Variants in PIEZO2 observed in about 807,000 individuals in gnomAD.
The protein encoded by PIEZO2 is piezo-type mechanosensitive ion channel component 2.
A neutral mutation model predicts 337.3 loss-of-function variants in PIEZO2; 172 were observed. That is an observed-to-expected ratio of 0.51 (90% CI 0.45 to 0.58). PIEZO2 has a LOEUF of 0.58. Ranked by LOEUF, PIEZO2 falls within the 20% of genes least tolerant of loss-of-function variation. The probability of loss-of-function intolerance (pLI) is 0.00; values close to 1 mark genes in which losing one functional copy is unlikely to be tolerated. For missense variants in PIEZO2, 3,028 were observed against 3,391.3 expected (o/e 0.89, Z 2.66); for synonymous variants, 1,251 against 1,228.5 (o/e 1.02, Z -0.38).
At chr18:11,050,931 C>A (rs1380444849) in intron 2 of PIEZO2, among the ~76,000 whole-genome samples, 1 of 151,106 alleles carries the variant, frequency 6.6e-6, no homozygotes. Flanking sequence ...ATTTCAGAAA[C>A]CTACCCCTTT....
At chr18:10,871,644 T>A (rs1032478156) in intron 4 of PIEZO2, among the ~76,000 whole-genome samples, 1 of 152,200 alleles carries the variant, frequency 6.6e-6, no homozygotes, top group African/African-American at 2.4e-5. Flanking sequence ...TAAAGAACTT[T>A]TGAACCAATC....
At chr18:10,852,846 C>A (rs1006457020) in intron 7 of PIEZO2, among the ~76,000 whole-genome samples, 13 of 152,020 alleles carry the variant, frequency 8.6e-5, no homozygotes, top group African/African-American at 2.7e-4. Context: ...GAGAGGGCAC[C>A]CCCCACCCAC....
intron 18 of PIEZO2, among the ~76,000 whole-genome samples, chr18:10,779,317 T>G (rs913293767): frequency 6.6e-6 from 1 of 152,248 alleles, no homozygotes; most frequent in African/African-American, 2.4e-5. Context: ...GCAAGATATA[T>G]TTCTCTTACT....
rs2145620164 is a variant in PIEZO2 at position 11,003,758 on chromosome 18, C to T, written c.161-24098G>A. On this transcript the variant is annotated intron_variant, in intron 2 of 55. Transcript: ENST00000674853. This position sits in a 1 kb window ranked among gnomAD's most constrained non-coding sequence, Gnocchi z 4.6. ...CCAGCTCTGGGACGTGGGAGGAAAC[C>T]AGAGTACCTAGAAAAATCCCACACA... Among the ~76,000 whole-genome samples the T allele has an allele frequency of 6.6e-6, 1 of 152,262 alleles. No homozygotes were observed. Among genetic ancestry groups the T allele is most frequent in the South Asian group, 2.1e-4 (1 of 4,822 alleles).
At chr18:10,851,157 T>G (rs1226024897) in intron 7 of PIEZO2, among the ~76,000 whole-genome samples, 2 of 59,288 alleles carry the variant, frequency 3.4e-5, no homozygotes, top group Non-Finnish European at 5.8e-5. Context: ...TCTTTTATCT[T>G]TTTTTTTTTT....
chr18:10,996,402 A>T (rs1325262544), intron 2 of PIEZO2, among the ~76,000 whole-genome samples: 1 of 152,248 alleles, frequency 6.6e-6, no homozygotes, highest in Non-Finnish European at 1.5e-5. Context: ...GAATAATTCA[A>T]TGGCATTTAG....
At chr18:10,747,286 A>G (rs2037462405) in intron 30 of PIEZO2, among the ~76,000 whole-genome samples, 1 of 152,214 alleles carries the variant, frequency 6.6e-6, no homozygotes, top group African/African-American at 2.4e-5. Context: ...TGAACCACAA[A>G]GGAAAAAGGG....
In PIEZO2 at chr18:11,047,440, C is replaced by T. The variant is rs2037356329; in HGVS notation, c.160+18687G>A. On this transcript the variant is annotated intron_variant, in intron 2 of 55. Coordinates refer to ENST00000674853, the MANE Select transcript of PIEZO2 (RefSeq NM_001378183.1). The surrounding 1 kb of genome is among the most constrained non-coding windows in gnomAD (Gnocchi z 7.2). Reference sequence around the variant, plus strand: ...ACGGCCCGGGGGAATTGTCCAAGAACAGGGCAAGGGGCAAGGGGACAGGGA... The same window carrying T: ...ACGGCCCGGGGGAATTGTCCAAGAATAGGGCAAGGGGCAAGGGGACAGGGA... Among the ~76,000 whole-genome samples the T allele has an allele frequency of 6.6e-6, 1 of 152,176 alleles. No individual in the cohort carries two copies.
chr18:10,994,419 A>G (rs1035836880), intron 2 of PIEZO2, among the ~76,000 whole-genome samples: 11 of 123,046 alleles, frequency 8.9e-5, no homozygotes, highest in African/African-American at 3.3e-4. Flanking sequence ...TTTTTTTTTG[A>G]TACTGAGTCT....
chr18:10,971,198 C>G (rs264243), intron 3 of PIEZO2, among the ~76,000 whole-genome samples: 75,343 of 151,908 alleles, frequency 0.5, 18,856 homozygotes, highest in Middle Eastern at 0.54. Flanking sequence ...AAGCCATCTT[C>G]AAAATTTTGA....
intron 39 of PIEZO2, among the ~76,000 whole-genome samples, chr18:10,712,672 T>C (rs1746408240): frequency 6.6e-6 from 1 of 152,240 alleles, no homozygotes; most frequent in Non-Finnish European, 1.5e-5. Context: ...GGATATGATA[T>C]TAAATGTTCT....
At chr18:10,711,519 A>G (rs769777713) in intron 39 of PIEZO2, among the ~76,000 whole-genome samples, 2 of 152,216 alleles carry the variant, frequency 1.3e-5, no homozygotes, top group African/African-American at 4.8e-5. Flanking sequence ...TCATTAAAAA[A>G]TGTCACCAAT....
At chr18:10,778,627 C>T (rs1175521063) in intron 18 of PIEZO2, among the ~76,000 whole-genome samples, 13 of 151,846 alleles carry the variant, frequency 8.6e-5, no homozygotes, top group Non-Finnish European at 1.6e-4. Flanking sequence ...CCACCACACC[C>T]GGCCTCTGGC....
intron 3 of PIEZO2, among the ~76,000 whole-genome samples, chr18:10,920,314 G>A (rs1330658108): frequency 1.3e-5 from 2 of 152,106 alleles, no homozygotes; most frequent in African/African-American, 4.8e-5. Flanking sequence ...AAAGAAAGAA[G>A]CCAACCCCCA....
At chr18:10,886,376 GTGTGTATATATA>G (rs1421500870) in intron 4 of PIEZO2, among the ~76,000 whole-genome samples, 6,277 of 13,786 alleles carry the variant, frequency 0.46, 1,788 homozygotes, top group East Asian at 0.66. Context: ...ATATGTGTGT[GTGTGTATATATA>G]TATATATATA....
chr18:11,147,994 C>G (rs983029872), intron 1 of PIEZO2, among the ~76,000 whole-genome samples: 2 of 152,200 alleles, frequency 1.3e-5, no homozygotes, highest in African/African-American at 4.8e-5. Flanking sequence ...AAGTAAGAAA[C>G]GTCAAGGCAC....
At chr18:10,832,937 C>T (rs1391156338) in intron 7 of PIEZO2, among the ~76,000 whole-genome samples, 1 of 152,014 alleles carries the variant, frequency 6.6e-6, no homozygotes, top group Non-Finnish European at 1.5e-5. Context: ...GCTGGAGGAG[C>T]CCACGTTTCC....
intron 7 of PIEZO2, among the ~76,000 whole-genome samples, chr18:10,829,969 A>G (rs1205887185): frequency 2.0e-5 from 3 of 152,010 alleles, no homozygotes; most frequent in African/African-American, 7.2e-5. Context: ...TGGAACCACA[A>G]AAGACCCAGA....
At chr18:10,758,884 G>A (rs951877005) in intron 26 of PIEZO2, among the ~76,000 whole-genome samples, 14 of 152,180 alleles carry the variant, frequency 9.2e-5, no homozygotes, top group Admixed American at 2.6e-4. Flanking sequence ...AAGCCTGCCT[G>A]GAAGCCTGAA....
Sources: allele counts gnomAD v4.1 joint callset (sites outside exome capture counted in the v4.1 genomes callset), GRCh38; gene constraint gnomAD v4.1.1; non-coding constraint Gnocchi (gnomAD v3.1); transcripts MANE v1.5; gene names NCBI Gene and HGNC (gene_info 2026-07-23, HGNC 2026-07-21).